Variants in KIAA0513 observed in about 807,000 individuals in gnomAD.
The protein encoded by KIAA0513 is KIAA0513, also known as uncharacterized protein KIAA0513.
KIAA0513 carries 39 observed loss-of-function variants against 56.5 expected under a neutral mutation model. The observed-to-expected ratio is 0.69, with a 90% confidence interval of 0.53 to 0.90. The LOEUF (loss-of-function observed/expected upper bound fraction) is 0.90, where lower values mean the gene tolerates loss of function less well. Ranked by LOEUF, KIAA0513 falls within the 40% of genes least tolerant of loss-of-function variation. The pLI, the probability that KIAA0513 is intolerant of heterozygous loss-of-function variation, is 0.00. For synonymous variants in KIAA0513, 268 were observed against 215.6 expected (o/e 1.24, Z -2.13); for missense variants, 591 against 535.2 (o/e 1.10, Z -1.03).
At chr16:85,087,356 G>A (rs948578426) in intron 12 of KIAA0513, among the ~76,000 whole-genome samples, 190 bp downstream of exon 12, 3 of 152,176 alleles carry the variant, frequency 2.0e-5, no homozygotes, top group Admixed American at 6.5e-5. Flanking sequence ...GACACCTCTC[G>A]TTCCATTTGG....
intron 2 of KIAA0513, among the ~76,000 whole-genome samples, chr16:85,068,492 C>G (rs1280287600): frequency 1.3e-5 from 2 of 152,114 alleles, no homozygotes; most frequent in African/African-American, 2.4e-5. Flanking sequence ...GCCACCACAC[C>G]CGGCTAGTTT....
intron 2 of KIAA0513, among the ~76,000 whole-genome samples, chr16:85,070,887 A>G (rs1006485415): frequency 2.0e-5 from 3 of 152,206 alleles, no homozygotes; most frequent in Non-Finnish European, 2.9e-5. Flanking sequence ...CCCATCAGCA[A>G]TACGGAATGT....
chr16:85,077,807 C>A (rs780882234), intron 6 of KIAA0513, among the ~76,000 whole-genome samples, 175 bp downstream of exon 6: 3 of 152,148 alleles, frequency 2.0e-5, no homozygotes, highest in Non-Finnish European at 4.4e-5. Flanking sequence ...GCCAAGCCCC[C>A]CCCACTGACA....
chr16:85,039,430 G>A (rs1188220335), intron 1 of KIAA0513, among the ~76,000 whole-genome samples: 6 of 152,166 alleles, frequency 3.9e-5, no homozygotes, highest in Non-Finnish European at 1.5e-5. Flanking sequence ...AACCTCCTGA[G>A]TAACTGGGAC....
At chr16:85,068,118 G>C (rs2073516455) in intron 2 of KIAA0513, among the ~76,000 whole-genome samples, 1 of 151,132 alleles carries the variant, frequency 6.6e-6, no homozygotes. Context: ...GCTGAGCTCT[G>C]TTATTTTCCA....
intron 2 of KIAA0513, among the ~76,000 whole-genome samples, chr16:85,070,170 C>G (rs1280643336): frequency 1.1e-5 from 1 of 91,956 alleles, no homozygotes; most frequent in Non-Finnish European, 2.1e-5. Flanking sequence ...GACCCTGTCT[C>G]AAAAAAAAAA....
At chr16:85,071,666 TC>T (rs1174634938) in intron 2 of KIAA0513, 116 bp from the exon 3 acceptor site, 2 of 786,390 alleles carry the variant, frequency 2.5e-6, no homozygotes, top group Non-Finnish European at 4.0e-6. Context: ...GGAGTTGGGG[TC>T]TGTGCTTGGC....
At chr16:85,046,806 T>C (rs923818067) in intron 1 of KIAA0513, among the ~76,000 whole-genome samples, 2 of 152,240 alleles carry the variant, frequency 1.3e-5, no homozygotes, top group South Asian at 4.1e-4. Context: ...ATACCTTCTG[T>C]TTCTTTCCTG....
chr16:85,073,324 G>A (rs751004267), intron 4 of KIAA0513, among the ~76,000 whole-genome samples: 13 of 152,164 alleles, frequency 8.5e-5, no homozygotes, highest in South Asian at 2.1e-4. Flanking sequence ...GTACTTTCCC[G>A]AGTTCCTATT....
chr16:85,078,882 G>A, intron 7 of KIAA0513, 43 bp from the exon 8 acceptor site: 11 of 1,609,918 alleles, frequency 6.8e-6, no homozygotes, highest in Non-Finnish European at 9.4e-6. Context: ...AACAGTGGGT[G>A]CGCAACCAGA....
At chr16:85,083,883 G>C (rs1452060668) in intron 10 of KIAA0513, among the ~76,000 whole-genome samples, 2 of 152,142 alleles carry the variant, frequency 1.3e-5, no homozygotes, top group Non-Finnish European at 2.9e-5. Context: ...CTGACAGCAA[G>C]ATGCCATTAT....
chr16:85,080,125 C>T (rs919495110), intron 8 of KIAA0513, among the ~76,000 whole-genome samples: 5 of 151,932 alleles, frequency 3.3e-5, no homozygotes, highest in African/African-American at 9.7e-5. Flanking sequence ...AGGGCAGGGC[C>T]GGAGCTGTCA....
Position 85,076,079 on chromosome 16 carries a change from C to G in KIAA0513, c.574+165C>G, listed in dbSNP as rs941859922. 6.6e-6 allele frequency among the ~76,000 whole-genome samples: 1 copy of G among 152,018 alleles called. No individual in the cohort carries two copies. The highest frequency in any genetic ancestry group is 6.6e-5 in the Admixed American group (1 of 15,264). ...GTGAGACTTCGGAGAAAACACAGTC[C>G]GAATCATGGGGCAGGAGGTTGACTG... On this transcript the variant is annotated intron_variant, in intron 5 of 12. Transcript: ENST00000683363. This position sits in a 1 kb window ranked among gnomAD's most constrained non-coding sequence, Gnocchi z 4.7.
chr16:85,092,313 C>G lies in KIAA0513; in HGVS notation c.*3988C>G, dbSNP rs987207016. On this transcript the variant is annotated 3_prime_UTR_variant, in exon 13 of 13. Transcript: ENST00000683363. ...TTAGATCAGCTTTGTTACTGAATTA[C>G]CTAAAACCAGACCACAGCACAGCCA... The G allele has an allele frequency of 9.9e-5, 15 of 152,224 alleles. No homozygotes were observed. Among genetic ancestry groups the G allele is most frequent in the African/African-American group, 3.6e-4 (15 of 41,428 alleles). The allele number at this position is 152,224 out of a possible 1,614,324, so 9.4% of individuals were successfully genotyped here.
At chr16:85,073,587 T>G (rs1048294130) in intron 4 of KIAA0513, among the ~76,000 whole-genome samples, 2 of 152,218 alleles carry the variant, frequency 1.3e-5, no homozygotes, top group African/African-American at 4.8e-5. Context: ...ATAGACCCTC[T>G]TCTCAGGAGC....
chr16:85,043,401 ATTTTTTTTTT>A (rs761248323), intron 1 of KIAA0513, among the ~76,000 whole-genome samples: 5 of 77,920 alleles, frequency 6.4e-5, no homozygotes, highest in East Asian at 3.9e-4. Flanking sequence ...TGCTTCTTGG[ATTTTTTTTTT>A]TTTTTTTTTT....
chr16:85,042,713 G>T (rs2073120059), intron 1 of KIAA0513, among the ~76,000 whole-genome samples: 1 of 152,192 alleles, frequency 6.6e-6, no homozygotes, highest in African/African-American at 2.4e-5. Flanking sequence ...TAATGGTAAT[G>T]CTGGGCATTG....
At chr16:85,033,786 C>T (rs1339000854) in intron 1 of KIAA0513, among the ~76,000 whole-genome samples, 3 of 152,128 alleles carry the variant, frequency 2.0e-5, no homozygotes, top group African/African-American at 4.8e-5. Flanking sequence ...TCAATATGCC[C>T]GTCTTTATTT....
chr16:85,034,851 G>A (rs1278013135), intron 1 of KIAA0513, among the ~76,000 whole-genome samples: 1 of 152,148 alleles, frequency 6.6e-6, no homozygotes, highest in African/African-American at 2.4e-5. Context: ...AGTGTGTAGG[G>A]GCAGCGCCAG....
Sources: gnomAD v4.1 joint callset for allele counts (sites outside exome capture counted in the v4.1 genomes callset) on GRCh38, gnomAD v4.1.1 for gene constraint, Gnocchi (gnomAD v3.1) non-coding constraint, MANE v1.5 for transcripts, NCBI Gene and HGNC (gene_info 2026-07-23, HGNC 2026-07-21) for gene names.